The following PTPRN2 variants were observed in gnomAD, a reference collection of about 807,000 sequenced individuals.
PTPRN2 encodes the protein receptor-type tyrosine-protein phosphatase N2.
Under a neutral mutation model 118.8 loss-of-function variants are expected in PTPRN2, and 74 were observed. That is an observed-to-expected ratio of 0.62 (90% confidence interval 0.52 to 0.76). The LOEUF is 0.76. Among genes scored for constraint, PTPRN2 ranks in the 30% least tolerant of loss-of-function variants. The pLI, the probability that PTPRN2 is intolerant of heterozygous loss-of-function variation, is 0.00. For missense variants in PTPRN2, 1,481 were observed against 1,394.4 expected (o/e 1.06, Z -0.99); for synonymous variants, 641 against 608.0 (o/e 1.05, Z -0.80).
At chr7:158,115,511 G>A (rs916323826) in intron 9 of PTPRN2, among the ~76,000 whole-genome samples, 3 of 152,142 alleles carry the variant, frequency 2.0e-5, no homozygotes, top group Non-Finnish European at 4.4e-5. Flanking sequence ...GCCCCAAGGT[G>A]AAGGTGTGAG....
intron 12 of PTPRN2, among the ~76,000 whole-genome samples, chr7:157,726,197 C>T (rs989467285): frequency 7.6e-6 from 1 of 132,384 alleles, no homozygotes; most frequent in Non-Finnish European, 1.6e-5. Context: ...GCCAGACTCT[C>T]GCCTCCCAGG....
Position 157,595,355 on chromosome 7 carries a change from A to G in PTPRN2, c.2419-40T>C, listed in dbSNP as rs73163815. ...CCACACCACAGCGGTTAGCCAGGAGATTAGGAAGCCTGGAGGTTAGGAAGC... is the reference window on the plus strand; with the variant it reads ...CCACACCACAGCGGTTAGCCAGGAGGTTAGGAAGCCTGGAGGTTAGGAAGC... On this transcript the variant is annotated intron_variant, in intron 16 of 22. Transcript: ENST00000389418. The G allele has an allele frequency of 4.4e-3, 5,362 of 1,207,236 alleles. 17 individuals are homozygous for G. Among genetic ancestry groups the G allele is most frequent in the African/African-American group, 0.023 (865 of 37,632 alleles). The allele number at this position is 1,207,236 out of a possible 1,614,324, so 74.8% of individuals were successfully genotyped here. A position where few individuals can be genotyped will look rare whatever the true frequency, so the allele number is the denominator to read the frequency against.
intron 12 of PTPRN2, among the ~76,000 whole-genome samples, chr7:157,876,712 C>T (rs903172018): frequency 7.9e-5 from 12 of 152,136 alleles, no homozygotes; most frequent in Admixed American, 7.9e-4. Context: ...TCGGGGGCAG[C>T]GGGAATGGTG....
intron 1 of PTPRN2, among the ~76,000 whole-genome samples, chr7:158,561,667 C>A (rs540164432): frequency 2.6e-5 from 4 of 152,272 alleles, no homozygotes; most frequent in Admixed American, 1.3e-4. Context: ...GTCTAACATA[C>A]CTCAGAAAAT....
chr7:157,870,666 TTTCCATGGACCTTCTTCAGAATCTC>T (rs539323277), intron 12 of PTPRN2, among the ~76,000 whole-genome samples: 22 of 152,346 alleles, frequency 1.4e-4, no homozygotes, highest in Admixed American at 3.9e-4. Flanking sequence ...TGATCCACAT[TTTCCATGGACCTTCTTCAGAATCTC>T]TTCCATAACA....
At chr7:157,823,150 C>T (rs923388068) in intron 12 of PTPRN2, among the ~76,000 whole-genome samples, 8 of 152,080 alleles carry the variant, frequency 5.3e-5, no homozygotes, top group Non-Finnish European at 1.2e-4. Context: ...AGCATATATC[C>T]ATCCATCCAT....
At chr7:157,772,897 C>T (rs559406928) in intron 12 of PTPRN2, among the ~76,000 whole-genome samples, 12 of 152,312 alleles carry the variant, frequency 7.9e-5, no homozygotes, top group South Asian at 2.1e-4. Context: ...GGCTTGGAGC[C>T]GTGGAGCTGG....
intron 12 of PTPRN2, among the ~76,000 whole-genome samples, chr7:157,771,378 C>T (rs1433077084): frequency 6.6e-6 from 1 of 152,232 alleles, no homozygotes. Flanking sequence ...CCTGCCCCCC[C>T]ATTCCCTGTC....
Position 157,656,419 on chromosome 7 carries a change from A to C in PTPRN2, c.2134T>G (p.Ser712Ala), listed in dbSNP as rs1267767411. ...TGCACAGGCTCCTCGGACCAGGATG[A>C]GGCGCTGCTGCGTGCGGAGGGGCTG... ...IPSPSARSSASSWSEEPVQSN... is the reference protein window; with the variant it reads ...IPSPSARSSAASWSEEPVQSN... Residue 712 changes from serine to alanine, a missense_variant, in exon 14 of 23, where the codon TCA (serine) becomes GCA (alanine). Around this residue, in one of 3 missense-constraint regions of PTPRN2, gnomAD observed 1,115 missense variants for 994.2 expected, o/e 1.12. Transcript: ENST00000389418. 6.4e-7 allele frequency: 1 copy of C among 1,553,460 alleles called. No homozygotes were observed. Among genetic ancestry groups the C allele is most frequent in the Non-Finnish European group, 8.7e-7 (1 of 1,148,362 alleles).
chr7:158,034,544 A>G (rs1477164884), intron 11 of PTPRN2, among the ~76,000 whole-genome samples: 1 of 152,134 alleles, frequency 6.6e-6, no homozygotes, highest in African/African-American at 2.4e-5. Flanking sequence ...GCCTTCCACC[A>G]TGATTGTGAG....
chr7:158,100,269 G>A (rs1354755754), intron 10 of PTPRN2, among the ~76,000 whole-genome samples: 1 of 151,928 alleles, frequency 6.6e-6, no homozygotes, highest in African/African-American at 2.4e-5. Context: ...GTGTGTGTGT[G>A]TGTGTGTGTG....
intron 7 of PTPRN2, 144 bp from the exon 8 acceptor site, chr7:158,136,839 AC>A (rs1818867537): frequency 1.3e-6 from 1 of 744,286 alleles, no homozygotes; most frequent in Non-Finnish European, 2.3e-6. Context: ...CATAGAGTAA[AC>A]CTTTTCTGTT....
chr7:158,138,566 G>T (rs913671833), intron 6 of PTPRN2, 51 bp from the exon 7 acceptor site: 4 of 1,555,782 alleles, frequency 2.6e-6, no homozygotes, highest in Non-Finnish European at 3.5e-6. Flanking sequence ...CGAATGCAAA[G>T]GTGAGGGCCT....
At chr7:157,781,056 T>C (rs997215262) in intron 12 of PTPRN2, among the ~76,000 whole-genome samples, 1 of 152,182 alleles carries the variant, frequency 6.6e-6, no homozygotes, top group African/African-American at 2.4e-5. Flanking sequence ...ATGCGGCTCC[T>C]TCTAGCCATG....
intron 12 of PTPRN2, among the ~76,000 whole-genome samples, chr7:157,765,870 C>CATCT (rs1349308346): frequency 1.3e-5 from 2 of 148,614 alleles, no homozygotes; most frequent in African/African-American, 5.0e-5. Flanking sequence ...TCCATCCATC[C>CATCT]ATCATTACTC....
chr7:157,924,724 C>T (rs915486870), intron 11 of PTPRN2, among the ~76,000 whole-genome samples: 11 of 152,258 alleles, frequency 7.2e-5, no homozygotes, highest in Admixed American at 3.3e-4. Context: ...CCACTTGGCA[C>T]GGTACCCTCT....
chr7:158,340,192 C>T (rs1225389409), intron 2 of PTPRN2, among the ~76,000 whole-genome samples: 1 of 90,956 alleles, frequency 1.1e-5, no homozygotes. Context: ...GTCACTCACA[C>T]CCACACTCTC....
At chr7:158,488,687 G>T (rs1419701232) in intron 2 of PTPRN2, among the ~76,000 whole-genome samples, 1 of 152,346 alleles carries the variant, frequency 6.6e-6, no homozygotes, top group Non-Finnish European at 1.5e-5. Flanking sequence ...TCCCCCGCCG[G>T]CACCCACGTC....
At chr7:158,425,677 G>C (rs1438272050) in intron 2 of PTPRN2, among the ~76,000 whole-genome samples, 1 of 8,330 alleles carries the variant, frequency 1.2e-4, no homozygotes. Context: ...TCCAAGTGCA[G>C]CCTAGCTGAG....
Sources: allele counts gnomAD v4.1 joint callset (sites outside exome capture counted in the v4.1 genomes callset), GRCh38; gene constraint gnomAD v4.1.1; regional missense constraint gnomAD v4.1.1; transcripts MANE v1.5; gene names NCBI Gene and HGNC (gene_info 2026-07-23, HGNC 2026-07-21).